NXPH1: variants seen among roughly 807,000 people sequenced by gnomAD.
The protein encoded by NXPH1 is neurexophilin 1.
Under a neutral mutation model 23.7 loss-of-function variants are expected in NXPH1, and 5 were observed. The ratio of observed to expected loss-of-function variants is 0.21; its 90% confidence interval spans 0.11 to 0.44. The LOEUF is 0.44. Among genes scored for constraint, NXPH1 ranks in the 20% least tolerant of loss-of-function variants. NXPH1 has a pLI of 0.99. For missense variants in NXPH1, 324 were observed against 321.6 expected, an observed-to-expected ratio of 1.01 and a Z score of -0.06; for synonymous variants, 144 against 122.2, an observed-to-expected ratio of 1.18 and a Z score of -1.18.
intron 2 of NXPH1, among the ~76,000 whole-genome samples, chr7:8,661,009 T>C (rs1358477508): frequency 6.6e-6 from 1 of 151,038 alleles, no homozygotes; most frequent in Non-Finnish European, 1.5e-5. Context: ...TGGAACGATC[T>C]TTTCCTCAGG....
chr7:8,495,833 C>T (rs1375674291), intron 2 of NXPH1, among the ~76,000 whole-genome samples: 2 of 152,012 alleles, frequency 1.3e-5, no homozygotes, highest in African/African-American at 4.8e-5. Context: ...GGGCCTATGG[C>T]AGCAGGATAG....
At chr7:8,660,430 A>G (rs1820653769) in intron 2 of NXPH1, among the ~76,000 whole-genome samples, 2 of 150,510 alleles carry the variant, frequency 1.3e-5, no homozygotes, top group African/African-American at 2.5e-5. Context: ...AAGCAAAAGC[A>G]TAGTATTTTT....
chr7:8,435,460 T>G lies in NXPH1; in HGVS notation c.-110-144T>G. On this transcript the variant is annotated intron_variant, in intron 1 of 2. Coordinates refer to ENST00000405863, the MANE Select transcript of NXPH1 (RefSeq NM_152745.3). This position sits in a 1 kb window ranked among gnomAD's most constrained non-coding sequence, Gnocchi z 5.9. ...GCGCTTGCTGGTCTCAGGCGCTGGATTTACTCGCTTTTCAATTTTTCGTAC... is the reference window on the plus strand; with the variant it reads ...GCGCTTGCTGGTCTCAGGCGCTGGAGTTACTCGCTTTTCAATTTTTCGTAC... 4 of 548,896 alleles carry G rather than the reference T, an allele frequency of 7.3e-6. No homozygotes were observed. The highest frequency in any genetic ancestry group is 3.2e-5 in the East Asian group (1 of 31,614). The allele number at this position is 548,896 out of a possible 1,614,324, so 34.0% of individuals were successfully genotyped here.
chr7:8,629,772 C>T (rs1820083705), intron 2 of NXPH1, among the ~76,000 whole-genome samples: 1 of 152,138 alleles, frequency 6.6e-6, no homozygotes, highest in Non-Finnish European at 1.5e-5. Flanking sequence ...AAATGAGTCA[C>T]TTTAAAGCCT....
intron 2 of NXPH1, among the ~76,000 whole-genome samples, chr7:8,458,425 T>C (rs1422068831): frequency 6.6e-6 from 1 of 152,208 alleles, no homozygotes; most frequent in East Asian, 1.9e-4. Context: ...ATACAGATTC[T>C]CTCAGTTTTG....
chr7:8,463,914 T>C lies in NXPH1; in HGVS notation c.54+28147T>C, dbSNP rs113515674. ...TGGCATTATTTCTCCTACTCCATAT[T>C]TGCATCTTTGTCTGTCATTTGGACC... is the stretch of plus-strand genomic sequence containing the variant. On this transcript the variant is annotated intron_variant, in intron 2 of 2. Transcript: ENST00000405863. Among the ~76,000 whole-genome samples, 957 of 152,310 alleles carry C rather than the reference T, an allele frequency of 6.3e-3. 3 individuals are homozygous for C. The highest frequency in any genetic ancestry group is 0.021 in the African/African-American group (876 of 41,574).
At chr7:8,615,482 T>C (rs1819715088) in intron 2 of NXPH1, among the ~76,000 whole-genome samples, 1 of 151,820 alleles carries the variant, frequency 6.6e-6, no homozygotes, top group South Asian at 2.1e-4. Context: ...TATCTCTTGG[T>C]GATCCACACT....
At chr7:8,552,134 A>C (rs6954084) in intron 2 of NXPH1, among the ~76,000 whole-genome samples, 69 of 150,532 alleles carry the variant, frequency 4.6e-4, no homozygotes, top group African/African-American at 1.7e-3. Flanking sequence ...AAAAAAAAAA[A>C]AAAAAAAACC....
chr7:8,669,149 G>C (rs779693302), intron 2 of NXPH1, among the ~76,000 whole-genome samples: 1 of 152,204 alleles, frequency 6.6e-6, no homozygotes, highest in Non-Finnish European at 1.5e-5. Context: ...AGGAGGCCTG[G>C]ACCTCGGGTC....
intron 2 of NXPH1, among the ~76,000 whole-genome samples, chr7:8,444,778 A>G (rs1816367938): frequency 6.6e-6 from 1 of 152,256 alleles, no homozygotes; most frequent in South Asian, 2.1e-4. Flanking sequence ...GCAGTTTTAA[A>G]ATAACCTAAC....
chr7:8,473,590 A>C (rs1816910126), intron 2 of NXPH1, among the ~76,000 whole-genome samples: 1 of 152,068 alleles, frequency 6.6e-6, no homozygotes, highest in East Asian at 1.9e-4. Flanking sequence ...TTTCGCTCCC[A>C]CACAAACTTT....
At chr7:8,510,207 T>C (rs950048426) in intron 2 of NXPH1, among the ~76,000 whole-genome samples, 1 of 152,148 alleles carries the variant, frequency 6.6e-6, no homozygotes, top group Admixed American at 6.6e-5. Context: ...GAGATAAACT[T>C]GACATTTTGC....
chr7:8,573,849 T>A (rs1035025675), intron 2 of NXPH1, among the ~76,000 whole-genome samples: 1 of 152,176 alleles, frequency 6.6e-6, no homozygotes, highest in African/African-American at 2.4e-5. Flanking sequence ...TTTAAAGACA[T>A]CATTGACATT....
chr7:8,490,830 GTCTT>G (rs1232246639), intron 2 of NXPH1, among the ~76,000 whole-genome samples: 2 of 151,972 alleles, frequency 1.3e-5, no homozygotes, highest in Non-Finnish European at 2.9e-5. Context: ...CACCTTCCAG[GTCTT>G]TAATGTTTTA....
intron 2 of NXPH1, among the ~76,000 whole-genome samples, chr7:8,634,493 AT>A (rs999799873): frequency 1.3e-4 from 20 of 152,246 alleles, no homozygotes; most frequent in African/African-American, 4.6e-4. Context: ...AAATAGACTA[AT>A]ACACCTGGAT....
At chr7:8,510,930 G>A (rs939279593) in intron 2 of NXPH1, among the ~76,000 whole-genome samples, 4 of 151,894 alleles carry the variant, frequency 2.6e-5, no homozygotes, top group African/African-American at 9.7e-5. Flanking sequence ...CATTTATTTT[G>A]TCATGGGCTC....
chr7:8,699,836 C>T lies in NXPH1; in HGVS notation c.55-51172C>T, dbSNP rs10241459. On this transcript the variant is annotated intron_variant, in intron 2 of 2. Coordinates refer to ENST00000405863, the MANE Select transcript of NXPH1 (RefSeq NM_152745.3). ...AGGATTTCTTAATCTTCATGTTGCA[C>T]CTTGCTCTTCATGGTGATTTGTGCT... 5.3e-3 allele frequency among the ~76,000 whole-genome samples: 804 copies of T among 152,126 alleles called. 8 individuals carry two copies. The highest frequency in any genetic ancestry group is 0.019 in the African/African-American group (772 of 41,500).
intron 2 of NXPH1, among the ~76,000 whole-genome samples, chr7:8,661,835 G>A (rs1820680360): frequency 6.6e-6 from 1 of 151,922 alleles, no homozygotes; most frequent in African/African-American, 2.4e-5. Flanking sequence ...TGTTGCATAT[G>A]TTTCCAAATA....
chr7:8,746,124 A>G (rs1190262558), intron 2 of NXPH1, among the ~76,000 whole-genome samples: 1 of 152,032 alleles, frequency 6.6e-6, no homozygotes, highest in Non-Finnish European at 1.5e-5. Flanking sequence ...TCTTTATTCC[A>G]CTCAATATTC....
Sources: gnomAD v4.1 joint callset for allele counts (sites outside exome capture counted in the v4.1 genomes callset) on GRCh38, gnomAD v4.1.1 for gene constraint, Gnocchi (gnomAD v3.1) non-coding constraint, MANE v1.5 for transcripts, NCBI Gene and HGNC (gene_info 2026-07-23, HGNC 2026-07-21) for gene names.